Variants in ARHGAP10 observed in about 807,000 individuals in gnomAD.
ARHGAP10 encodes the protein rho GTPase-activating protein 10.
Under a neutral mutation model 108.6 loss-of-function variants are expected in ARHGAP10, and 87 were observed. The ratio of observed to expected loss-of-function variants is 0.80; its 90% CI spans 0.67 to 0.96. ARHGAP10 has a LOEUF of 0.96. Ranked by LOEUF, ARHGAP10 falls within the 40% of genes least tolerant of loss-of-function variation. The pLI, the probability that ARHGAP10 is intolerant of heterozygous loss-of-function variation, is 0.00. For missense variants in ARHGAP10, 939 were observed against 954.5 expected (o/e 0.98, Z 0.21); for synonymous variants, 347 against 341.1 (o/e 1.02, Z -0.19).
intron 19 of ARHGAP10, among the ~76,000 whole-genome samples, chr4:148,041,381 A>G (rs961008702): frequency 5.3e-5 from 8 of 152,244 alleles, no homozygotes; most frequent in African/African-American, 1.9e-4. Flanking sequence ...ATATATTTGA[A>G]AGGAGACAAA....
chr4:148,051,267 A>C (rs1280572253), intron 20 of ARHGAP10, among the ~76,000 whole-genome samples: 4 of 152,214 alleles, frequency 2.6e-5, no homozygotes, highest in African/African-American at 9.6e-5. Flanking sequence ...CTTCATTGCC[A>C]GTGAAGAATT....
At chr4:148,026,418 A>T (rs1014403231) in intron 19 of ARHGAP10, among the ~76,000 whole-genome samples, 1 of 151,698 alleles carries the variant, frequency 6.6e-6, no homozygotes, top group African/African-American at 2.4e-5. Context: ...CCTCACCCCC[A>T]CTCCCAATTG....
intron 3 of ARHGAP10, among the ~76,000 whole-genome samples, chr4:147,828,429 T>G (rs1732812337): frequency 6.6e-6 from 1 of 152,174 alleles, no homozygotes; most frequent in African/African-American, 2.4e-5. Context: ...AAGTATACAG[T>G]TCAACAAATA....
chr4:147,991,208 G>A lies in ARHGAP10; in HGVS notation c.1716+24369G>A, dbSNP rs1446428611. Among the ~76,000 whole-genome samples, 3 of 151,072 alleles carry A rather than the reference G, an allele frequency of 2.0e-5. 1 individual carries two copies. Among genetic ancestry groups the A allele is most frequent in the Non-Finnish European group, 2.9e-5 (2 of 67,914 alleles). Reference sequence around the variant, plus strand: ...AGTCTTTCCATTAGGTCTAGGGCCCGCTTCTCTGGGTATGTTAGCGGTCCT... The same window carrying A: ...AGTCTTTCCATTAGGTCTAGGGCCCACTTCTCTGGGTATGTTAGCGGTCCT... On this transcript the variant is annotated intron_variant, in intron 18 of 22. Transcript: ENST00000336498.
chr4:147,791,553 C>T (rs1423099866), intron 1 of ARHGAP10, among the ~76,000 whole-genome samples: 5 of 151,432 alleles, frequency 3.3e-5, no homozygotes, highest in Admixed American at 6.6e-5. Flanking sequence ...TGCGTGCGCG[C>T]GTGTATATAT....
Position 147,855,257 on chromosome 4 carries a change from C to T in ARHGAP10, c.385-2296C>T, listed in dbSNP as rs76361146. On this transcript the variant is annotated intron_variant, in intron 4 of 22. Transcript: ENST00000336498. Reference sequence around the variant, plus strand: ...GAGTAATGAGTGGCTAGGACTGCAGCTTGGGTCTTCTGACACCTAATTCAG... The same window carrying T: ...GAGTAATGAGTGGCTAGGACTGCAGTTTGGGTCTTCTGACACCTAATTCAG... Among the ~76,000 whole-genome samples, 1,106 of 152,322 alleles carry T rather than the reference C, an allele frequency of 7.3e-3. 12 individuals are homozygous for T. The highest frequency in any genetic ancestry group is 0.024 in the African/African-American group (1,006 of 41,556).
chr4:148,035,699 T>C (rs1453933888), intron 19 of ARHGAP10, among the ~76,000 whole-genome samples: 2 of 152,174 alleles, frequency 1.3e-5, no homozygotes, highest in Non-Finnish European at 2.9e-5. Context: ...AGCTCTACCA[T>C]GCGGCAGTTA....
At chr4:147,768,879 C>T (rs1162023277) in intron 1 of ARHGAP10, among the ~76,000 whole-genome samples, 1 of 151,870 alleles carries the variant, frequency 6.6e-6, no homozygotes, top group African/African-American at 2.4e-5. Context: ...GCTGGGATTA[C>T]AGGCACACAC....
intron 9 of ARHGAP10, 63 bp from the exon 10 acceptor site, chr4:147,881,775 A>G (rs1269126533): frequency 6.8e-7 from 1 of 1,475,188 alleles, no homozygotes; most frequent in Non-Finnish European, 9.4e-7. Flanking sequence ...CCAGTATAGA[A>G]TGGCTGAGTG....
At chr4:147,959,679 C>T (rs1226709858) in intron 16 of ARHGAP10, among the ~76,000 whole-genome samples, 1 of 152,058 alleles carries the variant, frequency 6.6e-6, no homozygotes, top group East Asian at 1.9e-4. Flanking sequence ...CATCCATGTC[C>T]CTACAAAGGA....
At chr4:147,750,709 C>T (rs770967172) in intron 1 of ARHGAP10, among the ~76,000 whole-genome samples, 4 of 151,396 alleles carry the variant, frequency 2.6e-5, no homozygotes, top group Non-Finnish European at 5.9e-5. Flanking sequence ...TCAAGCGATT[C>T]TCCTGCCTCA....
At chr4:147,961,078 T>A (rs1738972644) in intron 16 of ARHGAP10, among the ~76,000 whole-genome samples, 1 of 152,210 alleles carries the variant, frequency 6.6e-6, no homozygotes, top group Admixed American at 6.5e-5. Context: ...GAGTGGAATT[T>A]TTGGGTCGGT....
chr4:147,977,808 C>T (rs2149624470), intron 18 of ARHGAP10, among the ~76,000 whole-genome samples: 1 of 152,008 alleles, frequency 6.6e-6, no homozygotes, highest in South Asian at 2.1e-4. Flanking sequence ...TCTCTCTCTC[C>T]CCCTCCCCCT....
intron 5 of ARHGAP10, chr4:147,861,685 G>A (rs968422889): frequency 2.0e-5 from 3 of 152,240 alleles, no homozygotes; most frequent in Admixed American, 6.5e-5. Context: ...AGCTCTCACT[G>A]GAGAGGAGAC....
At chr4:147,741,798 A>ACAAG (rs1560733908) in intron 1 of ARHGAP10, among the ~76,000 whole-genome samples, 1 of 57,778 alleles carries the variant, frequency 1.7e-5, no homozygotes, top group Non-Finnish European at 5.2e-5. Flanking sequence ...ACACGCACAC[A>ACAAG]CACACACACA....
intron 10 of ARHGAP10, among the ~76,000 whole-genome samples, chr4:147,890,626 A>C (rs1006689579): frequency 2.6e-5 from 4 of 152,220 alleles, no homozygotes; most frequent in Non-Finnish European, 5.9e-5. Context: ...CAGGAGTTCG[A>C]AACTAGCCTG....
chr4:147,848,401 G>A (rs1057309907), intron 4 of ARHGAP10, among the ~76,000 whole-genome samples: 3 of 152,244 alleles, frequency 2.0e-5, no homozygotes, highest in African/African-American at 7.2e-5. Flanking sequence ...CAGCTGGGTT[G>A]TCCCCTCTGG....
chr4:147,966,679 G>A lies in ARHGAP10; in HGVS notation c.1557-1G>A. 1 of 1,553,966 alleles carries A rather than the reference G, an allele frequency of 6.4e-7. No individual in the cohort carries two copies. The highest frequency in any genetic ancestry group is 8.7e-7 in the Non-Finnish European group (1 of 1,143,080). On this transcript the variant is annotated splice_acceptor_variant, in intron 17 of 22. Coordinates refer to ENST00000336498, the MANE Select transcript of ARHGAP10 (RefSeq NM_024605.4). LOFTEE classifies it high-confidence loss of function. ...GATTCCTCCCCCCTTACCAATTTCA[G>A]TGTTTCAAATCACTCCAAGCAGAAC...
chr4:147,963,095 C>T lies in ARHGAP10; in HGVS notation c.1451-1929C>T, dbSNP rs1739063518. Among the ~76,000 whole-genome samples, 6 of 152,280 alleles carry T rather than the reference C, an allele frequency of 3.9e-5. No homozygotes were observed. The South Asian group carries it at 1.2e-3, about 32-fold the overall frequency. On this transcript the variant is annotated intron_variant, in intron 16 of 22. Coordinates refer to ENST00000336498, the MANE Select transcript of ARHGAP10 (RefSeq NM_024605.4). ...CCCAAATATAACTCTATTCATATCG[C>T]TTTCTTGCTTTGTTTTCACTTGACT...
Sources: allele counts gnomAD v4.1 joint callset (sites outside exome capture counted in the v4.1 genomes callset), GRCh38; gene constraint gnomAD v4.1.1; transcripts MANE v1.5; gene names NCBI Gene and HGNC (gene_info 2026-07-23, HGNC 2026-07-21).